The following BAZ1A variants were observed in gnomAD, a reference collection of about 807,000 sequenced individuals.
BAZ1A encodes the protein bromodomain adjacent to zinc finger domain 1A.
A neutral mutation model predicts 185.2 loss-of-function variants in BAZ1A; 50 were observed. The observed-to-expected ratio is 0.27, with a 90% CI of 0.22 to 0.34. The LOEUF is 0.34. BAZ1A is among the 10% of genes least tolerant of loss of function. The probability of loss-of-function intolerance (pLI) is 1.00; values close to 1 mark genes in which losing one functional copy is unlikely to be tolerated. For synonymous variants in BAZ1A, 571 were observed against 615.6 expected (o/e 0.93, Z 1.07); for missense variants, 1,356 against 1,839.9 (o/e 0.74, Z 4.81).
At chr14:34,772,415 G>A (rs564846439) in intron 20 of BAZ1A, among the ~76,000 whole-genome samples, 25 of 152,056 alleles carry the variant, frequency 1.6e-4, no homozygotes, top group South Asian at 4.1e-4. Flanking sequence ...CAAGTAGCCC[G>A]CCCATGTACT....
intron 16 of BAZ1A, among the ~76,000 whole-genome samples, chr14:34,782,377 T>C (rs994776600): frequency 6.6e-6 from 1 of 152,260 alleles, no homozygotes; most frequent in Non-Finnish European, 1.5e-5. Flanking sequence ...GAAATGTCTA[T>C]TCAAATCCAT....
intron 25 of BAZ1A, among the ~76,000 whole-genome samples, chr14:34,756,577 T>C (rs1406548687): frequency 2.7e-5 from 4 of 146,298 alleles, no homozygotes; most frequent in African/African-American, 1.0e-4. Context: ...GCGATTCTCC[T>C]GCCTCAGCCT....
At chr14:34,777,631 G>A (rs1241147346) in intron 17 of BAZ1A, among the ~76,000 whole-genome samples, 1 of 137,052 alleles carries the variant, frequency 7.3e-6, no homozygotes, top group Non-Finnish European at 1.6e-5. Context: ...GGGATAGAGT[G>A]AGACTCTGTC....
At position 34,758,740 on chromosome 14, in the gene BAZ1A, G is replaced by A. The variant is rs1177266173; in HGVS notation, c.4350C>T (p.Asp1450=). ...QLVVELVRHD[D]SWPFLKLVSK... ...AAACAAGTTTCAAAAAAGGCCAGCT[G>A]TCATCATGTCGTACCAATTCTACAA... The change falls in exon 25 of 27, where the codon GAC becomes GAT. Residue 1450 remains aspartate, a synonymous_variant. Transcript: ENST00000360310. 6.2e-7 allele frequency: 1 copy of A among 1,613,974 alleles called. No individual in the cohort carries two copies. The highest frequency in any genetic ancestry group is 1.3e-5 in the African/African-American group (1 of 74,916).
intron 21 of BAZ1A, among the ~76,000 whole-genome samples, chr14:34,767,917 G>T (rs1483469766): frequency 2.0e-5 from 3 of 152,028 alleles, no homozygotes; most frequent in Non-Finnish European, 4.4e-5. Flanking sequence ...TTAATGGGGT[G>T]GTTTAAGAAA....
chr14:34,859,277 T>C (rs1344689906), intron 3 of BAZ1A, among the ~76,000 whole-genome samples: 1 of 151,766 alleles, frequency 6.6e-6, no homozygotes, highest in East Asian at 1.9e-4. Context: ...GTTAAAAAAA[T>C]AAATAAATCA....
At chr14:34,761,620 T>G in intron 24 of BAZ1A, 137 bp downstream of exon 24, 2 of 713,094 alleles carry the variant, frequency 2.8e-6, no homozygotes, top group Non-Finnish European at 4.6e-6. Flanking sequence ...ACTATTATGC[T>G]TCAGGTCAGA....
intron 18 of BAZ1A, among the ~76,000 whole-genome samples, chr14:34,775,517 G>T (rs1879539499): frequency 6.6e-6 from 1 of 152,192 alleles, no homozygotes; most frequent in South Asian, 2.1e-4. Flanking sequence ...AAGCTCCAAA[G>T]AAGTGACCAT....
At chr14:34,870,185 T>C (rs1036111673) in intron 2 of BAZ1A, among the ~76,000 whole-genome samples, 7 of 152,218 alleles carry the variant, frequency 4.6e-5, no homozygotes, top group Non-Finnish European at 1.0e-4. Context: ...AGAAAAAATG[T>C]ATTTAAAACA....
Position 34,771,641 on chromosome 14 carries a change from T to C in BAZ1A, c.3171A>G (p.Thr1057=). 2 of 1,613,072 alleles carry C rather than the reference T, an allele frequency of 1.2e-6. No homozygotes were observed. Among genetic ancestry groups the C allele is most frequent in the Non-Finnish European group, 1.7e-6 (2 of 1,179,714 alleles). The change falls in exon 21 of 27, where the codon ACA becomes ACG. Residue 1057 remains threonine, a synonymous_variant. Coordinates refer to ENST00000360310, the MANE Select transcript of BAZ1A (RefSeq NM_013448.3). ...IVKDRLLGIK[T]ETPSTVSTNA... is the part of the protein sequence containing the mutation. ...TTGTTGATACAGTACTTGGAGTTTC[T>C]GTTTTTATCCCCAAAAGTCTACAAT... is the stretch of plus-strand genomic sequence containing the variant.
intron 16 of BAZ1A, 40 bp from the exon 17 acceptor site, chr14:34,780,350 T>C: frequency 6.4e-7 from 1 of 1,557,606 alleles, no homozygotes; most frequent in East Asian, 2.3e-5. Context: ...CTAATGAATA[T>C]ATAATTCCAT....
At chr14:34,856,217 T>C (rs1393127417) in intron 3 of BAZ1A, among the ~76,000 whole-genome samples, 3 of 152,026 alleles carry the variant, frequency 2.0e-5, no homozygotes, top group Admixed American at 2.0e-4. Context: ...TGCTCTTGAG[T>C]TACCTTATTC....
chr14:34,820,485 T>C (rs1401524546), intron 4 of BAZ1A, among the ~76,000 whole-genome samples: 3 of 152,172 alleles, frequency 2.0e-5, no homozygotes, highest in South Asian at 2.1e-4. Context: ...TGGATAACAA[T>C]CCTTCATCAG....
At position 34,865,876 on chromosome 14, in the gene BAZ1A, G is replaced by T. The variant is rs576643193; in HGVS notation, c.114-3554C>A. On this transcript the variant is annotated intron_variant, in intron 2 of 26. Coordinates refer to ENST00000360310, the MANE Select transcript of BAZ1A (RefSeq NM_013448.3). ...TTAAAAATACTATTAGAACTTTTTTGGGGGGAAGTAATGTTAACAGGTAGG... is the reference window on the plus strand; with the variant it reads ...TTAAAAATACTATTAGAACTTTTTTTGGGGGAAGTAATGTTAACAGGTAGG... 5.3e-5 allele frequency among the ~76,000 whole-genome samples: 8 copies of T among 152,206 alleles called. No individual in the cohort carries two copies. The South Asian group carries it at 1.5e-3, about 28-fold the overall frequency.
rs748158188 is a variant in BAZ1A, at chr14:34,807,515, C to A, written c.662G>T (p.Arg221Leu). 5.0e-6 allele frequency: 8 copies of A among 1,612,368 alleles called. No individual in the cohort carries two copies. The Admixed American group carries it at 1.3e-4, about 27-fold the overall frequency. ...CTTCAGAAAAAGCTTTAGTTTATCA[C>A]GAGAAAATAGGTGTTTTCTCCGGCT... ...QISRRKHLFS[R>L]DKLKLFLKQH... is the part of the protein sequence containing the mutation. The change falls in exon 6 of 27, where the codon CGT (arginine) becomes CTT (leucine). Residue 221 changes from arginine to leucine, a missense_variant. By Grantham distance (102) the Arg-to-Leu change is moderately radical (BLOSUM62 -2). Around this residue, in one of 7 missense-constraint regions of BAZ1A, gnomAD observed 332 missense variants for 395.3 expected, o/e 0.84. Transcript: ENST00000360310.
At position 34,780,170 on chromosome 14, in the gene BAZ1A, G is replaced by C; in HGVS notation, c.2236+16C>G. ...AACAAATACACAAGAATGCCCTAAA[G>C]AAATTTCAGTATTACCCCTTCTGCC... On this transcript the variant is annotated intron_variant, in intron 17 of 26. Transcript: ENST00000360310. The C allele has an allele frequency of 6.2e-7, 1 of 1,611,766 alleles. No individual in the cohort carries two copies. The highest frequency in any genetic ancestry group is 8.5e-7 in the Non-Finnish European group (1 of 1,179,310).
At chr14:34,822,909 G>A (rs2138706588) in intron 4 of BAZ1A, among the ~76,000 whole-genome samples, 1 of 152,214 alleles carries the variant, frequency 6.6e-6, no homozygotes, top group East Asian at 1.9e-4. Flanking sequence ...TAACAAATTA[G>A]CCACAAAATA....
At position 34,780,238 on chromosome 14, in the gene BAZ1A, A is replaced by G; in HGVS notation, c.2184T>C (p.Asp728=). The G allele has an allele frequency of 6.2e-7, 1 of 1,613,690 alleles. No homozygotes were observed. Among genetic ancestry groups the G allele is most frequent in the South Asian group, 1.1e-5 (1 of 91,040 alleles). Residue 728 remains aspartate (D), a synonymous_variant, in exon 17 of 27, where the codon GAT becomes GAC. Coordinates refer to ENST00000360310, the MANE Select transcript of BAZ1A (RefSeq NM_013448.3). ...KDTEQKELDQ[D]MVTEDEDDPG... ...GGTCATCTTCATCTTCAGTGACCATATCTTGATCTAATTCCTTTTGCTCTG... is the reference window on the plus strand; with the variant it reads ...GGTCATCTTCATCTTCAGTGACCATGTCTTGATCTAATTCCTTTTGCTCTG...
intron 2 of BAZ1A, among the ~76,000 whole-genome samples, chr14:34,867,578 A>G (rs2042881246): frequency 6.6e-6 from 1 of 152,226 alleles, no homozygotes; most frequent in African/African-American, 2.4e-5. Context: ...GCCCTTTTAT[A>G]TCCCAAGGTT....
Sources: allele counts gnomAD v4.1 joint callset (sites outside exome capture counted in the v4.1 genomes callset), GRCh38; gene constraint gnomAD v4.1.1; regional missense constraint gnomAD v4.1.1; transcripts MANE v1.5; gene names NCBI Gene and HGNC (gene_info 2026-07-23, HGNC 2026-07-21).